RAP1GDS1: variants seen among roughly 807,000 people sequenced by gnomAD.
RAP1GDS1 encodes Rap1 GTPase-GDP dissociation stimulator 1, also known as RAP1, GTP-GDP dissociation stimulator 1.
Under a neutral mutation model 71.1 loss-of-function variants are expected in RAP1GDS1, and 35 were observed. The observed-to-expected ratio is 0.49, with a 90% confidence interval of 0.38 to 0.65. The LOEUF (loss-of-function observed/expected upper bound fraction) is 0.65, where lower values mean the gene tolerates loss of function less well. Among genes scored for constraint, RAP1GDS1 ranks in the 30% least tolerant of loss-of-function variants. RAP1GDS1 has a pLI of 0.00. For synonymous variants in RAP1GDS1, 229 were observed against 243.1 expected (o/e 0.94, Z 0.54); for missense variants, 663 against 706.1 (o/e 0.94, Z 0.69).
At position 98,330,360 on chromosome 4, in the gene RAP1GDS1, C is replaced by T. The variant is rs1313651076; in HGVS notation, c.113-12779C>T. On this transcript the variant is annotated intron_variant, in intron 2 of 14. Transcript: ENST00000408927. ...TACACCTCCCAGACGGGGTGGCGGC[C>T]GGGCAGAGGGGCTCCTCACTTCTCA... 1.4e-4 allele frequency among the ~76,000 whole-genome samples: 22 copies of T among 151,970 alleles called. No homozygotes were observed. The East Asian group carries it at 1.9e-3, about 13-fold the overall frequency.
At chr4:98,418,951 C>G (rs1182549682) in intron 10 of RAP1GDS1, among the ~76,000 whole-genome samples, 160 bp downstream of exon 10, 1 of 152,154 alleles carries the variant, frequency 6.6e-6, no homozygotes, top group Non-Finnish European at 1.5e-5. Context: ...AAATGGAGAT[C>G]ATATGTTAAA....
rs1734043087 is a variant in RAP1GDS1 at position 98,331,724 on chromosome 4, T to C, written c.113-11415T>C. Among the ~76,000 whole-genome samples the C allele has an allele frequency of 2.0e-5, 3 of 152,206 alleles. No homozygotes were observed. In the South Asian group the frequency reaches 6.2e-4, roughly 32 times the overall value. ...TCTCTACAAGATGAGAGATACATTC[T>C]TTGATGCTCTCTAGGAGCCCAGTGG... On this transcript the variant is annotated intron_variant, in intron 2 of 14. Transcript: ENST00000408927.
intron 2 of RAP1GDS1, among the ~76,000 whole-genome samples, chr4:98,307,377 G>A (rs1729479806): frequency 2.6e-5 from 4 of 151,720 alleles, no homozygotes; most frequent in Admixed American, 2.6e-4. Context: ...TGTTTTCATG[G>A]GTTTGTTATA....
intron 3 of RAP1GDS1, 24 bp from the exon 4 acceptor site, chr4:98,352,452 A>G (rs1560887451): frequency 6.2e-7 from 1 of 1,607,614 alleles, no homozygotes; most frequent in Non-Finnish European, 8.5e-7. Flanking sequence ...TAGATTTTTA[A>G]TTAAACATGT....
chr4:98,357,348 T>C (rs1342793330), intron 4 of RAP1GDS1, among the ~76,000 whole-genome samples: 1 of 151,964 alleles, frequency 6.6e-6, no homozygotes, highest in Non-Finnish European at 1.5e-5. Context: ...TTCTTCAGTT[T>C]TCATCAATCT....
At chr4:98,268,547 T>C (rs888237403) in intron 1 of RAP1GDS1, among the ~76,000 whole-genome samples, 5 of 152,034 alleles carry the variant, frequency 3.3e-5, no homozygotes, top group African/African-American at 4.8e-5. Flanking sequence ...CATGGTCTTA[T>C]ACATAGAAAG....
intron 12 of RAP1GDS1, among the ~76,000 whole-genome samples, chr4:98,430,709 C>T (rs1340915519): frequency 2.0e-5 from 3 of 152,144 alleles, no homozygotes; most frequent in Non-Finnish European, 4.4e-5. Context: ...TGGAAAAATG[C>T]TGTTCTAGAA....
intron 2 of RAP1GDS1, among the ~76,000 whole-genome samples, chr4:98,313,008 G>T (rs552288801): frequency 1.4e-5 from 2 of 139,184 alleles, no homozygotes; most frequent in African/African-American, 5.6e-5. Context: ...GGTGGAACTT[G>T]CAGTGAGCCG....
intron 3 of RAP1GDS1, among the ~76,000 whole-genome samples, chr4:98,346,600 A>G (rs547342068): frequency 6.3e-4 from 95 of 151,640 alleles, no homozygotes; most frequent in Middle Eastern, 3.4e-3. Flanking sequence ...GCTGGAGTGC[A>G]ATGGTGCGAT....
intron 1 of RAP1GDS1, among the ~76,000 whole-genome samples, chr4:98,281,153 A>T (rs1416031207): frequency 6.7e-6 from 1 of 148,174 alleles, no homozygotes; most frequent in Non-Finnish European, 1.5e-5. Context: ...GAAGAAAGTC[A>T]TTGGTAGCTT....
At chr4:98,329,809 A>T (rs191536744) in intron 2 of RAP1GDS1, among the ~76,000 whole-genome samples, 9,403 of 150,508 alleles carry the variant, frequency 0.062, 355 homozygotes, top group Admixed American at 0.13. Flanking sequence ...AAAAAAAAAA[A>T]AAGTGCCCAT....
At chr4:98,413,619 T>C (rs1208999830) in intron 7 of RAP1GDS1, among the ~76,000 whole-genome samples, 8 of 151,750 alleles carry the variant, frequency 5.3e-5, no homozygotes, top group African/African-American at 9.7e-5. Context: ...CAGTCTATCA[T>C]TGTTGGACAT....
intron 4 of RAP1GDS1, among the ~76,000 whole-genome samples, chr4:98,363,478 CAAAAAAAA>C (rs34393905): frequency 1.1e-3 from 41 of 37,728 alleles, no homozygotes; most frequent in African/African-American, 1.8e-3. Context: ...GACCCTGTCT[CAAAAAAAA>C]AAAAAAAAAA....
At chr4:98,373,144 A>G (rs902483262) in intron 4 of RAP1GDS1, among the ~76,000 whole-genome samples, 37 of 152,334 alleles carry the variant, frequency 2.4e-4, no homozygotes, top group African/African-American at 8.2e-4. Context: ...CATTTTTTGC[A>G]TAACAGGTTT....
chr4:98,432,413 CTG>C (rs1750557390), intron 12 of RAP1GDS1, among the ~76,000 whole-genome samples: 3 of 152,168 alleles, frequency 2.0e-5, no homozygotes, highest in Non-Finnish European at 2.9e-5. Context: ...ACTAAGAATT[CTG>C]TGTCTGTTTC....
intron 2 of RAP1GDS1, among the ~76,000 whole-genome samples, chr4:98,321,268 A>C (rs1242127014): frequency 6.7e-6 from 1 of 148,480 alleles, no homozygotes; most frequent in East Asian, 2.0e-4. Context: ...ATATGGGACT[A>C]TGTGAAAAGA....
At chr4:98,318,837 G>A (rs1275944120) in intron 2 of RAP1GDS1, among the ~76,000 whole-genome samples, 1 of 152,198 alleles carries the variant, frequency 6.6e-6, no homozygotes, top group Non-Finnish European at 1.5e-5. Context: ...ACTCAGAACG[G>A]CATGCAATTT....
intron 1 of RAP1GDS1, among the ~76,000 whole-genome samples, chr4:98,272,898 G>A (rs1012796424): frequency 2.0e-5 from 3 of 152,116 alleles, no homozygotes; most frequent in Non-Finnish European, 2.9e-5. Context: ...TTAAAACAAC[G>A]ATTTTTTTCT....
At chr4:98,403,027 GC>G (rs1197399166) in intron 6 of RAP1GDS1, among the ~76,000 whole-genome samples, 1 of 152,126 alleles carries the variant, frequency 6.6e-6, no homozygotes, top group Non-Finnish European at 1.5e-5. Context: ...GTGGGAAAGA[GC>G]ATTTTCAGAC....
Sources: gnomAD v4.1 joint callset for allele counts (sites outside exome capture counted in the v4.1 genomes callset) on GRCh38, gnomAD v4.1.1 for gene constraint, MANE v1.5 for transcripts, NCBI Gene and HGNC (gene_info 2026-07-23, HGNC 2026-07-21) for gene names.